The following DPP6 variants were observed in gnomAD, a reference collection of about 807,000 sequenced individuals.
The protein encoded by DPP6 is A-type potassium channel modulatory protein DPP6.
Under a neutral mutation model 122.6 loss-of-function variants are expected in DPP6, and 69 were observed. That is an observed-to-expected ratio of 0.56 (90% CI 0.46 to 0.69). The LOEUF (loss-of-function observed/expected upper bound fraction) is 0.69. Ranked by LOEUF, DPP6 falls within the 30% of genes least tolerant of loss-of-function variation. DPP6 has a pLI of 0.00. For missense variants in DPP6, 928 were observed against 1,116.9 expected (o/e 0.83, Z 2.41); for synonymous variants, 418 against 433.1 (o/e 0.97, Z 0.43).
chr7:154,471,282 C>G (rs573720350), intron 2 of DPP6, among the ~76,000 whole-genome samples: 1 of 152,116 alleles, frequency 6.6e-6, no homozygotes, highest in Non-Finnish European at 1.5e-5. Flanking sequence ...ATAGCTGCTT[C>G]TTTCTCAAAA....
chr7:154,081,340 A>C (rs1803992044), intron 1 of DPP6, among the ~76,000 whole-genome samples: 1 of 146,500 alleles, frequency 6.8e-6, no homozygotes, highest in Non-Finnish European at 1.5e-5. Flanking sequence ...AACACCTTAG[A>C]CTCTGATGCC....
intron 1 of DPP6, among the ~76,000 whole-genome samples, chr7:153,907,488 T>G (rs1020411947): frequency 6.6e-6 from 1 of 152,232 alleles, no homozygotes; most frequent in African/African-American, 2.4e-5. Context: ...ATAGCTAAAT[T>G]TATGTGTCCA....
At chr7:154,316,822 T>C (rs769198550) in intron 1 of DPP6, among the ~76,000 whole-genome samples, 3 of 151,880 alleles carry the variant, frequency 2.0e-5, no homozygotes, top group Non-Finnish European at 2.9e-5. Context: ...TTTGGGAGAA[T>C]GGGGGCAATG....
intron 1 of DPP6, among the ~76,000 whole-genome samples, chr7:154,431,358 T>G (rs1818348493): frequency 1.3e-5 from 2 of 152,184 alleles, no homozygotes; most frequent in African/African-American, 4.8e-5. Context: ...AGGCGGACAG[T>G]GGAAGAACAC....
At chr7:154,773,206 G>A (rs1191881164) in intron 10 of DPP6, among the ~76,000 whole-genome samples, 3 of 152,190 alleles carry the variant, frequency 2.0e-5, no homozygotes, top group African/African-American at 7.2e-5. Context: ...GGGCATGGCT[G>A]GGCCCCAGGC....
intron 2 of DPP6, among the ~76,000 whole-genome samples, chr7:154,456,567 C>A (rs1032760688): frequency 2.1e-5 from 2 of 97,438 alleles, no homozygotes; most frequent in African/African-American, 3.2e-5. Context: ...AAAATGCGCC[C>A]CCCCCACCAA....
At chr7:153,931,500 G>A (rs1027442090) in intron 1 of DPP6, among the ~76,000 whole-genome samples, 9 of 152,104 alleles carry the variant, frequency 5.9e-5, no homozygotes, top group African/African-American at 1.9e-4. Context: ...TCAGGTGAAT[G>A]TCCTAGGAAG....
intron 10 of DPP6, among the ~76,000 whole-genome samples, chr7:154,790,479 T>C (rs1480012116): frequency 6.6e-6 from 1 of 152,204 alleles, no homozygotes; most frequent in East Asian, 1.9e-4. Context: ...TATTATATAA[T>C]CTTTATAAAT....
intron 1 of DPP6, among the ~76,000 whole-genome samples, chr7:154,145,085 C>G (rs2150670292): frequency 6.6e-6 from 1 of 152,322 alleles, no homozygotes; most frequent in South Asian, 2.1e-4. Context: ...GTTGTTTACT[C>G]AAGCACTGAT....
chr7:154,472,872 G>A (rs1027020476), intron 2 of DPP6, among the ~76,000 whole-genome samples: 6 of 151,596 alleles, frequency 4.0e-5, no homozygotes, highest in African/African-American at 1.2e-4. Flanking sequence ...CTATATAGAA[G>A]TCTTAAGTGT....
intron 1 of DPP6, among the ~76,000 whole-genome samples, chr7:154,163,308 G>A (rs1325055728): frequency 6.7e-6 from 1 of 149,552 alleles, no homozygotes; most frequent in African/African-American, 2.6e-5. Flanking sequence ...GTGTTGAGTC[G>A]AGCTGGACAC....
At chr7:154,885,306 A>G (rs1352772992) in intron 21 of DPP6, 1 of 242,946 alleles carries the variant, frequency 4.1e-6, no homozygotes, top group South Asian at 6.4e-5. Context: ...GAAATGCCAT[A>G]AAGAGACGCT....
intron 1 of DPP6, among the ~76,000 whole-genome samples, chr7:154,056,234 G>T (rs1206426299): frequency 1.3e-5 from 2 of 151,824 alleles, no homozygotes; most frequent in African/African-American, 4.8e-5. Flanking sequence ...AAACCAGAGG[G>T]TCTTCTCTAT....
intron 1 of DPP6, among the ~76,000 whole-genome samples, chr7:154,082,637 G>A (rs1309526357): frequency 6.6e-6 from 1 of 151,778 alleles, no homozygotes; most frequent in East Asian, 1.9e-4. Flanking sequence ...GGTAACCACC[G>A]CCTGTGGACC....
the DPP6 span, among the ~76,000 whole-genome samples, chr7:153,830,841 C>T: frequency 7.9e-5 from 12 of 152,276 alleles, no homozygotes; most frequent in East Asian, 2.3e-3. Context: ...AGAGAAAATA[C>T]GTCATTCTAT....
chr7:154,559,924 A>C lies in DPP6; in HGVS notation c.553-6918A>C, dbSNP rs1830304993. On this transcript the variant is annotated intron_variant, in intron 4 of 25. Transcript: ENST00000377770. ...TTTTCTCTTAAAAAAAATAATATAT[A>C]TAGATATATATATAAAGATATAGAT... is the stretch of plus-strand genomic sequence containing the variant. Among the ~76,000 whole-genome samples, 3 of 145,822 alleles carry C rather than the reference A, an allele frequency of 2.1e-5. No homozygotes were observed. The South Asian group carries it at 6.5e-4, about 32-fold the overall frequency.
intron 1 of DPP6, among the ~76,000 whole-genome samples, chr7:154,179,259 A>G (rs1323772360): frequency 6.6e-6 from 1 of 152,170 alleles, no homozygotes; most frequent in Non-Finnish European, 1.5e-5. Context: ...AAATTAGGAA[A>G]TGTGATATTT....
chr7:154,455,679 G>C (rs541944907), intron 2 of DPP6, among the ~76,000 whole-genome samples: 2 of 152,048 alleles, frequency 1.3e-5, no homozygotes, highest in Non-Finnish European at 2.9e-5. Context: ...GGTGCATCTC[G>C]CTTATTTATG....
rs1211123678 is a variant in DPP6, at chr7:154,889,332, C to T, written c.2365C>T (p.Pro789Ser). 1 of 1,612,934 alleles carries T rather than the reference C, an allele frequency of 6.2e-7. No individual in the cohort carries two copies. Among genetic ancestry groups the T allele is most frequent in the Non-Finnish European group, 8.5e-7 (1 of 1,179,640 alleles). The change falls in exon 24 of 26, where the codon CCC becomes TCC. Residue 789 changes from proline (P) to serine (S), a missense_variant. Coordinates refer to ENST00000377770, the MANE Select transcript of DPP6 (RefSeq NM_130797.4). ...AGAACAGCAGTTCCTGATCATTCAT[C>T]CCACTGCCGATGGTAAGGACTGAAA... ...LEEQQFLIIH[P>S]TADEKIHFQH...
Sources: allele counts gnomAD v4.1 joint callset (sites outside exome capture counted in the v4.1 genomes callset), GRCh38; gene constraint gnomAD v4.1.1; transcripts MANE v1.5; gene names NCBI Gene and HGNC (gene_info 2026-07-23, HGNC 2026-07-21).